Variants in NAV3 observed in about 807,000 individuals in gnomAD.
NAV3 encodes neuron navigator 3, also known as pore membrane and/or filament interacting like protein 1.
Under a neutral mutation model 244.7 loss-of-function variants are expected in NAV3, and 87 were observed. The observed-to-expected ratio is 0.36, with a 90% CI of 0.30 to 0.42. The LOEUF is 0.42. NAV3 is among the 20% of genes least tolerant of loss of function. NAV3 has a pLI of 1.00. For missense variants in NAV3, 2,663 were observed against 2,893.3 expected (o/e 0.92, Z 1.83); for synonymous variants, 1,126 against 1,042.2 (o/e 1.08, Z -1.55).
intron 2 of NAV3, among the ~76,000 whole-genome samples, chr12:77,780,282 C>T (rs984768772): frequency 6.6e-6 from 1 of 152,098 alleles, no homozygotes; most frequent in Non-Finnish European, 1.5e-5. Flanking sequence ...TATCTAGAGC[C>T]CTCACAGGTT....
chr12:78,129,928 AAC>A (rs1390941816), intron 18 of NAV3, among the ~76,000 whole-genome samples: 1 of 152,208 alleles, frequency 6.6e-6, no homozygotes, highest in East Asian at 1.9e-4. Flanking sequence ...AGTAATAGAA[AAC>A]ACACAATCCA....
chr12:78,121,059 T>C (rs1170257348), intron 15 of NAV3, among the ~76,000 whole-genome samples: 1 of 152,216 alleles, frequency 6.6e-6, no homozygotes, highest in Non-Finnish European at 1.5e-5. Context: ...AAGCCAATAG[T>C]GCCCTCCTGT....
chr12:78,095,470 A>C (rs190105279), intron 12 of NAV3, among the ~76,000 whole-genome samples: 182 of 152,338 alleles, frequency 1.2e-3, no homozygotes, highest in Non-Finnish European at 1.6e-3. Flanking sequence ...ATTCGTAGGT[A>C]AACAATGGGA....
rs1955878172 is a variant in NAV3, at chr12:78,125,717, G to T, written c.4239-1450G>T. On this transcript the variant is annotated intron_variant, in intron 16 of 39. Transcript: ENST00000397909. ...ATGAGTTTGCAACCTTTGGTGATTT[G>T]CAGAAATTGTCTATGTTAGAAAATC... is the stretch of plus-strand genomic sequence containing the variant. 2.0e-5 allele frequency among the ~76,000 whole-genome samples: 3 copies of T among 152,112 alleles called. No homozygotes were observed. The South Asian group carries it at 6.2e-4, about 31-fold the overall frequency.
intron 2 of NAV3, among the ~76,000 whole-genome samples, chr12:77,717,211 C>T (rs375479766): frequency 5.9e-5 from 9 of 151,804 alleles, no homozygotes; most frequent in Non-Finnish European, 1.0e-4. Flanking sequence ...ATTATTGTAC[C>T]GCAGAAATCT....
At chr12:78,188,567 G>T in intron 32 of NAV3, 42 bp from the exon 33 acceptor site, 1 of 1,580,760 alleles carries the variant, frequency 6.3e-7, no homozygotes, top group Non-Finnish European at 8.6e-7. Flanking sequence ...TAGATGAGTT[G>T]AACCTCTGTT....
chr12:77,907,482 T>C (rs1018303670), intron 1 of NAV3, among the ~76,000 whole-genome samples: 2 of 152,132 alleles, frequency 1.3e-5, no homozygotes, highest in Admixed American at 1.3e-4. Context: ...TTCCTGATTA[T>C]TTCCTTGTAA....
At chr12:78,014,934 G>C (rs1021290227) in intron 8 of NAV3, among the ~76,000 whole-genome samples, 1 of 152,030 alleles carries the variant, frequency 6.6e-6, no homozygotes, top group Non-Finnish European at 1.5e-5. Context: ...TGCTAGGTTT[G>C]ATATGTATCT....
chr12:77,854,585 GTA>G (rs1305354406), intron 1 of NAV3, among the ~76,000 whole-genome samples: 8 of 46,148 alleles, frequency 1.7e-4, no homozygotes, highest in South Asian at 1.1e-3. Flanking sequence ...GTGTATGTGT[GTA>G]TGTGTGTGTG....
intron 2 of NAV3, among the ~76,000 whole-genome samples, chr12:77,603,998 C>T (rs1169677921): frequency 6.6e-6 from 1 of 152,054 alleles, no homozygotes; most frequent in Non-Finnish European, 1.5e-5. Flanking sequence ...TTGGAGAGTT[C>T]TTGGTTGATA....
intron 39 of NAV3, 91 bp from the exon 40 acceptor site, chr12:78,210,307 A>G (rs1960772856): frequency 1.3e-6 from 2 of 1,564,232 alleles, no homozygotes; most frequent in African/African-American, 1.4e-5. Flanking sequence ...GGGATAAGAT[A>G]GCTCTTCGGT....
At chr12:77,615,956 T>C (rs1282339016) in intron 2 of NAV3, among the ~76,000 whole-genome samples, 2 of 152,196 alleles carry the variant, frequency 1.3e-5, no homozygotes, top group African/African-American at 4.8e-5. Flanking sequence ...TCATAAACTT[T>C]GTATAAAGCA....
Position 77,755,620 on chromosome 12 carries a change from T to TCCTA in NAV3, c.72+183357_72+183358insACCT, listed in dbSNP as rs1869125693. Among the ~76,000 whole-genome samples the TCCTA allele has an allele frequency of 9.1e-5, 9 of 99,304 alleles. 1 individual carries two copies. In the Admixed American group the frequency reaches 9.1e-4, roughly 10 times the overall value. 65.1% of individuals were successfully genotyped at this position (99,304 alleles called of 152,430 possible). A position where few individuals can be genotyped will look rare whatever the true frequency, so the allele number is the denominator to read the frequency against. ...CTCCCTCCCTCCCTCCCTCCTTCCT[T>TCCTA]CCTTCCTTCCTTCCTTCCTTCCTTC... is the stretch of plus-strand genomic sequence containing the variant. On this transcript the variant is annotated intron_variant, in intron 2 of 8. Transcript: ENST00000550042.
intron 1 of NAV3, among the ~76,000 whole-genome samples, chr12:77,875,350 G>C (rs1267240731): frequency 1.3e-5 from 2 of 151,856 alleles, no homozygotes; most frequent in Non-Finnish European, 2.9e-5. Context: ...CTTCAAAAAG[G>C]TCTTCTCTTA....
chr12:77,911,909 A>T (rs987083346), intron 1 of NAV3, among the ~76,000 whole-genome samples: 1 of 152,120 alleles, frequency 6.6e-6, no homozygotes, highest in Non-Finnish European at 1.5e-5. Context: ...TCAGAAACAC[A>T]GTCTTTATTA....
chr12:77,699,991 T>C (rs915942334), intron 2 of NAV3, among the ~76,000 whole-genome samples: 11 of 152,268 alleles, frequency 7.2e-5, no homozygotes, highest in African/African-American at 2.4e-4. Context: ...CAGTTTTGTT[T>C]TGGCACAGGC....
At chr12:77,935,916 A>G (rs182784939) in intron 1 of NAV3, among the ~76,000 whole-genome samples, 1 of 152,292 alleles carries the variant, frequency 6.6e-6, no homozygotes, top group East Asian at 1.9e-4. Context: ...TCAGAACAGC[A>G]AGGGAAGAAG....
At position 77,863,785 on chromosome 12, in the gene NAV3, T is replaced by A. The variant is rs181203128; in HGVS notation, c.243+32081T>A. The stretch of plus-strand genomic sequence containing the variant: ...GCTTGTTTTAAGGCTACTCTGAGAA[T>A]AAGATAATCCTTTGAAAGGTAGGGA... On this transcript the variant is annotated intron_variant, in intron 1 of 39. Coordinates refer to ENST00000397909, the MANE Select transcript of NAV3 (RefSeq NM_001024383.2). Among the ~76,000 whole-genome samples, 246 of 152,006 alleles carry A rather than the reference T, an allele frequency of 1.6e-3. 2 individuals carry two copies. Among genetic ancestry groups the A allele is most frequent in the African/African-American group, 5.1e-3 (211 of 41,564 alleles).
intron 2 of NAV3, among the ~76,000 whole-genome samples, chr12:77,812,549 G>A (rs1386160219): frequency 6.6e-6 from 1 of 151,712 alleles, no homozygotes; most frequent in Admixed American, 6.6e-5. Flanking sequence ...CAAGTAGCTG[G>A]GATTACAGGC....
Sources: allele counts gnomAD v4.1 joint callset (sites outside exome capture counted in the v4.1 genomes callset), GRCh38; gene constraint gnomAD v4.1.1; transcripts MANE v1.5; gene names NCBI Gene and HGNC (gene_info 2026-07-23, HGNC 2026-07-21).